Variants in TRRAP observed in about 807,000 individuals in gnomAD.
The protein encoded by TRRAP is transformation/transcription domain-associated protein.
In TRRAP, 41 loss-of-function variants were observed where a neutral mutation model predicts 438.8. The ratio of observed to expected loss-of-function variants is 0.09; its 90% confidence interval spans 0.07 to 0.12. TRRAP has a LOEUF of 0.12. Ranked by LOEUF, TRRAP falls within the 10% of genes least tolerant of loss-of-function variation. TRRAP has a pLI of 1.00. For missense variants in TRRAP, 3,122 were observed against 5,055.1 expected (o/e 0.62, Z 11.60); for synonymous variants, 1,994 against 1,962.9 (o/e 1.02, Z -0.42).
At chr7:98,989,346 G>A (rs939657550) in intron 63 of TRRAP, among the ~76,000 whole-genome samples, 4 of 152,192 alleles carry the variant, frequency 2.6e-5, no homozygotes, top group East Asian at 3.9e-4. Context: ...CAGAGCTGGC[G>A]TGCTGGGGTG....
At chr7:98,929,535 A>G (rs1053470627) in intron 23 of TRRAP, among the ~76,000 whole-genome samples, 21 of 152,196 alleles carry the variant, frequency 1.4e-4, no homozygotes, top group African/African-American at 5.1e-4. Context: ...TAATTTACAC[A>G]TAATTGCAGT....
chr7:98,941,942 C>A (rs1437080789), intron 30 of TRRAP, among the ~76,000 whole-genome samples: 1 of 152,216 alleles, frequency 6.6e-6, no homozygotes, highest in African/African-American at 2.4e-5. Flanking sequence ...TTCCCCATTC[C>A]TGTTTTACTA....
chr7:98,981,548 T>C (rs1333431912), intron 58 of TRRAP, among the ~76,000 whole-genome samples: 1 of 152,200 alleles, frequency 6.6e-6, no homozygotes, highest in African/African-American at 2.4e-5. Flanking sequence ...CTTTCATAGC[T>C]AGAGAGATTG....
At chr7:98,924,579 C>T (rs1789944845) in intron 21 of TRRAP, among the ~76,000 whole-genome samples, 1 of 149,796 alleles carries the variant, frequency 6.7e-6, no homozygotes, top group South Asian at 2.1e-4. Flanking sequence ...GTCCCAGCTA[C>T]TCGGGAGGCT....
At position 98,930,659 on chromosome 7, in the gene TRRAP, C is replaced by T. The variant is rs138561039; in HGVS notation, c.3420C>T (p.Tyr1140=). Residue 1140 remains tyrosine, a synonymous_variant, in exon 25 of 73, where the codon TAC becomes TAT. Coordinates refer to ENST00000456197, the MANE Select transcript of TRRAP (RefSeq NM_001375524.1). ...CCTGCCAGCTGCCCCTGTTTTCTTA[C>T]ATCGTGGAGCGCCTGTGTGCATGTT... The part of the protein sequence containing the change: ...ERACQLPLFS[Y]IVERLCACCY... 2 of 1,614,024 alleles carry T rather than the reference C, an allele frequency of 1.2e-6. No individual in the cohort carries two copies. Among genetic ancestry groups the T allele is most frequent in the East Asian group, 2.2e-5 (1 of 44,876 alleles).
At chr7:98,934,845 C>T (rs988173800) in intron 27 of TRRAP, among the ~76,000 whole-genome samples, 1 of 152,080 alleles carries the variant, frequency 6.6e-6, no homozygotes, top group Non-Finnish European at 1.5e-5. Flanking sequence ...ACAGTGGTTT[C>T]CTCTGGGCAG....
chr7:98,908,785 C>T lies in TRRAP; in HGVS notation c.1173C>T (p.Pro391=), dbSNP rs1554407958. 7 of 1,587,066 alleles carry T rather than the reference C, an allele frequency of 4.4e-6. No homozygotes were observed. The highest frequency in any genetic ancestry group is 1.3e-5 in the African/African-American group (1 of 74,276). The change falls in exon 14 of 73, where the codon CCC becomes CCT. Residue 391 remains proline (P), a synonymous_variant. Transcript: ENST00000456197. The surrounding 1 kb of genome is among the most constrained non-coding windows in gnomAD (Gnocchi z 4.1). ...TGCACCATGTCCGCCAGCACCTGCC[C>T]CTCAGCGACCTCTCCCTCGCCGTCC... is the stretch of plus-strand genomic sequence containing the variant. ...DLVHHVRQHL[P]LSDLSLAVQL...
intron 53 of TRRAP, among the ~76,000 whole-genome samples, chr7:98,973,058 C>T (rs2116715881): frequency 6.6e-6 from 1 of 152,262 alleles, no homozygotes; most frequent in Admixed American, 6.5e-5. Flanking sequence ...CGGCTCACAG[C>T]AACCTCCATC....
chr7:98,979,366 A>G (rs1449325236), intron 58 of TRRAP, among the ~76,000 whole-genome samples: 1 of 152,224 alleles, frequency 6.6e-6, no homozygotes, highest in Admixed American at 6.5e-5. Context: ...TGGGTTCTTT[A>G]AATCCTGTCT....
chr7:98,884,478 A>C (rs1795601045), intron 3 of TRRAP, among the ~76,000 whole-genome samples: 1 of 151,896 alleles, frequency 6.6e-6, no homozygotes, highest in Admixed American at 6.6e-5. Context: ...TAAGCGATCC[A>C]CCCACCTCAG....
At position 98,994,858 on chromosome 7, in the gene TRRAP, C is replaced by T. The variant is rs939809610; in HGVS notation, c.10309+10C>T. On this transcript the variant is annotated intron_variant, in intron 67 of 72. Transcript: ENST00000456197. This position sits in a 1 kb window ranked among gnomAD's most constrained non-coding sequence, Gnocchi z 4.8. The stretch of plus-strand genomic sequence containing the variant: ...GGCCAGTTCACGACGGGTGAGTCTC[C>T]ATTTTCCTTCCCTTCCATAGGGAGA... The T allele has an allele frequency of 2.5e-6, 4 of 1,605,910 alleles. No homozygotes were observed. In the African/African-American group the frequency reaches 4.0e-5, roughly 16 times the overall value.
Position 98,970,635 on chromosome 7 carries a change from C to T in TRRAP, c.7692+344C>T, listed in dbSNP as rs160389. Among the ~76,000 whole-genome samples the T allele has an allele frequency of 3.7e-3, 556 of 151,888 alleles. 8 individuals are homozygous for T. Among genetic ancestry groups the T allele is most frequent in the African/African-American group, 0.013 (530 of 41,362 alleles). ...TTAGTTAGAATTGAGAAGCATCTTG[C>T]ACTCCCATTCGGTTTTGAGATGAAT... On this transcript the variant is annotated intron_variant, in intron 52 of 72. Transcript: ENST00000456197.
At chr7:98,893,499 A>G (rs1796066265) in intron 5 of TRRAP, among the ~76,000 whole-genome samples, 3 of 152,190 alleles carry the variant, frequency 2.0e-5, no homozygotes. Context: ...TCTTTTCACA[A>G]TATTGTCCAA....
At chr7:98,921,496 A>T (rs1428745114) in intron 20 of TRRAP, among the ~76,000 whole-genome samples, 1 of 152,096 alleles carries the variant, frequency 6.6e-6, no homozygotes, top group South Asian at 2.1e-4. Context: ...CCACCTCAGC[A>T]TCCCAAATAG....
At chr7:98,889,045 CTTTTTTTTTTT>C (rs11326725) in intron 3 of TRRAP, among the ~76,000 whole-genome samples, 874 of 82,488 alleles carry the variant, frequency 0.011, 8 homozygotes, top group African/African-American at 0.038. Context: ...CAAAACTTTA[CTTTTTTTTTTT>C]TTTTTTTTTT....
At chr7:98,906,124 A>T in intron 12 of TRRAP, 53 bp from the exon 13 acceptor site, 2 of 1,521,410 alleles carry the variant, frequency 1.3e-6, no homozygotes, top group Non-Finnish European at 1.8e-6. Context: ...AAGTAATTTA[A>T]TGTGTGTAAT....
chr7:98,925,695 A>G (rs573352728), intron 22 of TRRAP, among the ~76,000 whole-genome samples: 4 of 152,246 alleles, frequency 2.6e-5, no homozygotes, highest in Non-Finnish European at 5.9e-5. Context: ...GAGACTGTGC[A>G]TGACCTTAAT....
At chr7:98,913,692 G>T (rs1016216484) in intron 18 of TRRAP, among the ~76,000 whole-genome samples, 5 of 152,112 alleles carry the variant, frequency 3.3e-5, no homozygotes, top group Non-Finnish European at 7.4e-5. Flanking sequence ...AAAAAATTCT[G>T]ATCAGTCTGT....
At chr7:98,975,276 C>G (rs1562967412) in intron 53 of TRRAP, among the ~76,000 whole-genome samples, 1 of 152,170 alleles carries the variant, frequency 6.6e-6, no homozygotes, top group Non-Finnish European at 1.5e-5. Context: ...CATGGTTTCC[C>G]CCTTGGGTTT....
Sources: gnomAD v4.1 joint callset for allele counts (sites outside exome capture counted in the v4.1 genomes callset) on GRCh38, gnomAD v4.1.1 for gene constraint, Gnocchi (gnomAD v3.1) non-coding constraint, MANE v1.5 for transcripts, NCBI Gene and HGNC (gene_info 2026-07-23, HGNC 2026-07-21) for gene names.